LRP1B: variants seen among roughly 807,000 people sequenced by gnomAD.
The protein encoded by LRP1B is LDL receptor related protein 1B.
In LRP1B, 217 loss-of-function variants were observed where a neutral mutation model predicts 556.6. The observed-to-expected ratio is 0.39, with a 90% confidence interval of 0.35 to 0.44. The LOEUF (loss-of-function observed/expected upper bound fraction) is 0.44. LRP1B is among the 20% of genes least tolerant of loss of function. LRP1B has a pLI of 1.00. For missense variants in LRP1B, 5,053 were observed against 5,620.8 expected (o/e 0.90, Z 3.23); for synonymous variants, 2,047 against 1,865.8 (o/e 1.10, Z -2.50).
At chr2:141,612,643 AAAAG>A (rs547717112) in intron 2 of LRP1B, among the ~76,000 whole-genome samples, 1 of 152,352 alleles carries the variant, frequency 6.6e-6, no homozygotes, top group African/African-American at 2.4e-5. Flanking sequence ...TGTGATATGT[AAAAG>A]AAAGAGTGTT....
At chr2:140,884,939 C>T (rs1210418290) in intron 24 of LRP1B, among the ~76,000 whole-genome samples, 2 of 152,132 alleles carry the variant, frequency 1.3e-5, no homozygotes, top group East Asian at 3.9e-4. Flanking sequence ...GTCTCAAACT[C>T]ATGGGCTTAA....
chr2:140,253,263 G>A (rs903626490), intron 86 of LRP1B, among the ~76,000 whole-genome samples: 8 of 152,002 alleles, frequency 5.3e-5, no homozygotes, highest in Non-Finnish European at 1.2e-4. Flanking sequence ...ATCAGAAAGA[G>A]TTTTTGATTT....
chr2:141,883,957 A>G (rs1699033231), intron 1 of LRP1B, among the ~76,000 whole-genome samples: 1 of 152,340 alleles, frequency 6.6e-6, no homozygotes, highest in African/African-American at 2.4e-5. Context: ...CATGAAAGGA[A>G]GAAAACTGAC....
chr2:140,820,130 G>A (rs879480095), intron 31 of LRP1B, among the ~76,000 whole-genome samples: 4 of 151,752 alleles, frequency 2.6e-5, no homozygotes, highest in Admixed American at 6.6e-5. Context: ...CTCCCATACC[G>A]CCCTGCTAAT....
At chr2:140,268,367 A>C (rs1167157520) in intron 86 of LRP1B, among the ~76,000 whole-genome samples, 3 of 151,980 alleles carry the variant, frequency 2.0e-5, no homozygotes, top group African/African-American at 4.8e-5. Context: ...ACATGCCAAC[A>C]AGTATCACCT....
At chr2:141,194,593 G>T (rs946249501) in intron 6 of LRP1B, among the ~76,000 whole-genome samples, 1 of 152,022 alleles carries the variant, frequency 6.6e-6, no homozygotes, top group Non-Finnish European at 1.5e-5. Context: ...AAAGCATTTT[G>T]TGTGTTCAGC....
At chr2:140,883,481 G>A (rs1215540100) in intron 25 of LRP1B, among the ~76,000 whole-genome samples, 1 of 151,830 alleles carries the variant, frequency 6.6e-6, no homozygotes, top group Non-Finnish European at 1.5e-5. Context: ...TCTTTGGCAG[G>A]GCAAAGAGAA....
intron 1 of LRP1B, among the ~76,000 whole-genome samples, chr2:142,084,234 G>A (rs1705827259): frequency 6.6e-6 from 1 of 152,054 alleles, no homozygotes; most frequent in Non-Finnish European, 1.5e-5. Context: ...CGCCCACCTT[G>A]GCCTCCCAAA....
In LRP1B at chr2:140,773,533, G is replaced by A. The variant is rs554115389; in HGVS notation, c.5501-2527C>T. 5.3e-5 allele frequency among the ~76,000 whole-genome samples: 8 copies of A among 151,498 alleles called. No individual in the cohort carries two copies. The East Asian group carries it at 5.8e-4, about 11-fold the overall frequency. On this transcript the variant is annotated intron_variant, in intron 33 of 90. Coordinates refer to ENST00000389484, the MANE Select transcript of LRP1B (RefSeq NM_018557.3). Reference sequence around the variant, plus strand: ...ATAGCCTTGATAATAGCAAAAATACGTGAAAAAAAGGACCTTCTGGGTCTG... The same window carrying A: ...ATAGCCTTGATAATAGCAAAAATACATGAAAAAAAGGACCTTCTGGGTCTG...
At chr2:140,817,321 C>T (rs749878947) in intron 31 of LRP1B, among the ~76,000 whole-genome samples, 125 of 150,928 alleles carry the variant, frequency 8.3e-4, no homozygotes, top group Non-Finnish European at 1.5e-3. Flanking sequence ...AATAAGTATA[C>T]GAAAAAAATA....
intron 84 of LRP1B, among the ~76,000 whole-genome samples, chr2:140,284,692 G>A (rs1369418697): frequency 1.4e-5 from 2 of 147,806 alleles, no homozygotes; most frequent in African/African-American, 2.5e-5. Context: ...TTGAAGCAAC[G>A]ATTTCTGATA....
intron 41 of LRP1B, among the ~76,000 whole-genome samples, chr2:140,624,540 G>C (rs777850842): frequency 6.6e-6 from 1 of 152,056 alleles, no homozygotes; most frequent in Non-Finnish European, 1.5e-5. Flanking sequence ...GATACTTATC[G>C]CTGAGGAGTG....
intron 2 of LRP1B, among the ~76,000 whole-genome samples, chr2:141,485,875 AATGAGGCACAAAAAGGAAC>A (rs1328701967): frequency 1.2e-4 from 18 of 152,104 alleles, no homozygotes; most frequent in African/African-American, 4.3e-4. Context: ...AGAGATTATA[AATGAGGCACAAAAAGGAAC>A]ATGGTTGGAG....
intron 3 of LRP1B, among the ~76,000 whole-genome samples, chr2:141,451,719 T>C (rs1681429095): frequency 6.6e-6 from 1 of 152,198 alleles, no homozygotes. Flanking sequence ...TATTGTATCT[T>C]AATTTCAAAG....
At chr2:140,632,369 G>A (rs1683917821) in intron 41 of LRP1B, among the ~76,000 whole-genome samples, 1 of 152,122 alleles carries the variant, frequency 6.6e-6, no homozygotes, top group Admixed American at 6.5e-5. Context: ...GGGATGTGAA[G>A]AAGAAATAGG....
intron 66 of LRP1B, among the ~76,000 whole-genome samples, chr2:140,425,985 TTAAA>T (rs138304444): frequency 0.014 from 2,156 of 152,308 alleles, 54 homozygotes; most frequent in African/African-American, 0.05. Flanking sequence ...CATTAATTTG[TTAAA>T]TAAAGAAATT....
chr2:140,814,807 G>A (rs1214667466), intron 31 of LRP1B, among the ~76,000 whole-genome samples: 7 of 152,128 alleles, frequency 4.6e-5, no homozygotes, highest in Admixed American at 4.6e-4. Context: ...ATCTCGACCT[G>A]GCACAGTGTG....
chr2:141,244,467 G>A (rs1441712986), intron 5 of LRP1B, among the ~76,000 whole-genome samples: 1 of 151,190 alleles, frequency 6.6e-6, no homozygotes, highest in South Asian at 2.1e-4. Context: ...GAAAAGAAGA[G>A]AAAAGAGAGG....
chr2:141,289,829 G>T (rs1046103770), intron 3 of LRP1B, among the ~76,000 whole-genome samples: 1 of 152,150 alleles, frequency 6.6e-6, no homozygotes, highest in Non-Finnish European at 1.5e-5. Flanking sequence ...TAGAAAATCC[G>T]AATATTTGAG....
Sources: allele counts gnomAD v4.1 joint callset (sites outside exome capture counted in the v4.1 genomes callset), GRCh38; gene constraint gnomAD v4.1.1; transcripts MANE v1.5; gene names NCBI Gene and HGNC (gene_info 2026-07-23, HGNC 2026-07-21).